Variants in DGKB observed in about 807,000 individuals in gnomAD.
DGKB encodes diacylglycerol kinase beta.
DGKB carries 67 observed loss-of-function variants against 114.3 expected under a neutral mutation model. The ratio of observed to expected loss-of-function variants is 0.59; its 90% confidence interval spans 0.48 to 0.72. DGKB has a LOEUF of 0.72. Ranked by LOEUF, DGKB falls within the 30% of genes least tolerant of loss-of-function variation. The pLI, the probability that DGKB is intolerant of heterozygous loss-of-function variation, is 0.00. For missense variants in DGKB, 907 were observed against 975.2 expected (o/e 0.93, Z 0.93); for synonymous variants, 398 against 323.1 (o/e 1.23, Z -2.49).
rs528156471 is a variant in DGKB, at chr7:14,221,465, G to A, written c.2123-43314C>T. 2.6e-5 allele frequency among the ~76,000 whole-genome samples: 4 copies of A among 151,412 alleles called. No homozygotes were observed. In the South Asian group the frequency reaches 8.3e-4, roughly 31 times the overall value. On this transcript the variant is annotated intron_variant, in intron 23 of 25. Coordinates refer to ENST00000402815, the MANE Select transcript of DGKB (RefSeq NM_001350709.2). ...TTGGTTTTTATTCTATTGCTATAGTGCATTACATTGATTGATTTCCAGGTG... is the reference window on the plus strand; with the variant it reads ...TTGGTTTTTATTCTATTGCTATAGTACATTACATTGATTGATTTCCAGGTG...
chr7:14,296,081 G>T (rs1233875504), intron 23 of DGKB, among the ~76,000 whole-genome samples: 3 of 145,180 alleles, frequency 2.1e-5, no homozygotes, highest in Non-Finnish European at 4.5e-5. Context: ...CACCAGGCTT[G>T]AGTGCAGAGG....
At chr7:14,293,457 T>A (rs1802072102) in intron 23 of DGKB, among the ~76,000 whole-genome samples, 1 of 152,190 alleles carries the variant, frequency 6.6e-6, no homozygotes. Flanking sequence ...TGTGTCTGAT[T>A]TATTCTCCAT....
At chr7:14,434,611 G>C (rs1215792575) in intron 21 of DGKB, among the ~76,000 whole-genome samples, 1 of 152,180 alleles carries the variant, frequency 6.6e-6, no homozygotes, top group African/African-American at 2.4e-5. Flanking sequence ...TTCTTGTTCA[G>C]TGAGACCTGT....
chr7:14,293,229 A>G (rs1291272036), intron 23 of DGKB, among the ~76,000 whole-genome samples: 1 of 152,198 alleles, frequency 6.6e-6, no homozygotes, highest in African/African-American at 2.4e-5. Context: ...ATTCACTCAC[A>G]TAAAAGCAGG....
intron 19 of DGKB, among the ~76,000 whole-genome samples, chr7:14,575,797 C>T (rs1799037893): frequency 6.6e-6 from 1 of 152,026 alleles, no homozygotes; most frequent in South Asian, 2.1e-4. Context: ...AATTGTTGAA[C>T]AAGGAAATGC....
intron 13 of DGKB, among the ~76,000 whole-genome samples, chr7:14,649,776 G>A (rs1204001100): frequency 7.1e-6 from 1 of 141,476 alleles, no homozygotes; most frequent in Non-Finnish European, 1.5e-5. Flanking sequence ...ACACACATAG[G>A]CTCAAAATAA....
At position 14,353,429 on chromosome 7, in the gene DGKB, T is replaced by G. The variant is rs754201533; in HGVS notation, c.1836-8038A>C. Among the ~76,000 whole-genome samples the G allele has an allele frequency of 4.3e-4, 65 of 152,130 alleles. 1 individual carries two copies. Among genetic ancestry groups the G allele is most frequent in the Admixed American group, 2.0e-4 (3 of 15,264 alleles). On this transcript the variant is annotated intron_variant, in intron 21 of 25. Transcript: ENST00000402815. The stretch of plus-strand genomic sequence containing the variant: ...ACAAAGTAAAAGCTTTGCCCCTCTT[T>G]TCCTATTTTTGCATGTTCTCAAGGA...
chr7:14,824,370 G>A (rs1845367537), intron 2 of DGKB, among the ~76,000 whole-genome samples: 1 of 151,980 alleles, frequency 6.6e-6, no homozygotes, highest in Non-Finnish European at 1.5e-5. Context: ...TGTTCTGTCT[G>A]GCTTTAGAAT....
chr7:14,275,686 A>C (rs1798890882), intron 23 of DGKB, among the ~76,000 whole-genome samples: 1 of 152,224 alleles, frequency 6.6e-6, no homozygotes, highest in Admixed American at 6.5e-5. Flanking sequence ...GTCTTTAAAC[A>C]AATCAACTAG....
At position 14,392,989 on chromosome 7, in the gene DGKB, G is replaced by GTTTTTTTTTTTT. The variant is rs776845811; in HGVS notation, c.1836-47599_1836-47598insAAAAAAAAAAAA. Among the ~76,000 whole-genome samples, 39 of 10,172 alleles carry GTTTTTTTTTTTT rather than the reference G, an allele frequency of 3.8e-3. 1 individual carries two copies. Among genetic ancestry groups the GTTTTTTTTTTTT allele is most frequent in the African/African-American group, 8.3e-3 (36 of 4,330 alleles). 6.7% of individuals were successfully genotyped at this position (10,172 alleles called of 152,430 possible). A position where few individuals can be genotyped will look rare whatever the true frequency, so the allele number is the denominator to read the frequency against. On this transcript the variant is annotated intron_variant, in intron 21 of 25. Transcript: ENST00000402815. ...GAGGGCCAAAACAGACCTGTTTTTT[G>GTTTTTTTTTTTT]TTTTTGTTTTTTTTTTTTTGAGACG... is the stretch of plus-strand genomic sequence containing the variant.
At chr7:14,305,375 G>A (rs1320026031) in intron 23 of DGKB, among the ~76,000 whole-genome samples, 4 of 152,104 alleles carry the variant, frequency 2.6e-5, no homozygotes, top group Non-Finnish European at 5.9e-5. Flanking sequence ...GTGGGAACAT[G>A]TGATATACGT....
chr7:14,380,955 T>C (rs920721977), intron 21 of DGKB, among the ~76,000 whole-genome samples: 3 of 152,194 alleles, frequency 2.0e-5, no homozygotes, highest in Non-Finnish European at 4.4e-5. Flanking sequence ...AATAGGAAGA[T>C]TAAATCCAAG....
chr7:14,609,486 A>AT (rs1368693730), intron 16 of DGKB, among the ~76,000 whole-genome samples: 1 of 151,900 alleles, frequency 6.6e-6, no homozygotes, highest in Non-Finnish European at 1.5e-5. Flanking sequence ...TTGGCAACAC[A>AT]TTTTTTATTA....
chr7:14,334,321 G>T (rs569376049), intron 23 of DGKB, among the ~76,000 whole-genome samples: 1 of 147,602 alleles, frequency 6.8e-6, no homozygotes, highest in South Asian at 2.2e-4. Context: ...AGACTTTCCA[G>T]TCAATGCCAC....
chr7:14,951,295 A>G (rs186705345), intron 1 of DGKB, among the ~76,000 whole-genome samples: 18 of 152,150 alleles, frequency 1.2e-4, no homozygotes, highest in Admixed American at 1.1e-3. Context: ...AGCAACCAAG[A>G]TATCCTTTAA....
At chr7:14,159,175 G>C (rs183700280) in intron 25 of DGKB, among the ~76,000 whole-genome samples, 1 of 151,970 alleles carries the variant, frequency 6.6e-6, no homozygotes, top group African/African-American at 2.4e-5. Flanking sequence ...CCACTGGACC[G>C]TATGCCTCAC....
chr7:14,676,878 AC>A (rs1246868608), intron 12 of DGKB, among the ~76,000 whole-genome samples: 2 of 152,106 alleles, frequency 1.3e-5, no homozygotes, highest in Non-Finnish European at 1.5e-5. Flanking sequence ...ATTTAAAAAA[AC>A]ATTTTTGTTC....
intron 23 of DGKB, among the ~76,000 whole-genome samples, chr7:14,317,414 G>T (rs1260796714): frequency 6.8e-6 from 1 of 146,788 alleles, no homozygotes; most frequent in Non-Finnish European, 1.5e-5. Flanking sequence ...ATCTCCTTAA[G>T]CTGATAAGCA....
At chr7:14,390,063 G>A (rs1309437220) in intron 21 of DGKB, among the ~76,000 whole-genome samples, 3 of 152,080 alleles carry the variant, frequency 2.0e-5, no homozygotes, top group Admixed American at 6.6e-5. Context: ...GTAAGGGTGA[G>A]GCAGTAATTT....
Sources: allele counts gnomAD v4.1 joint callset (sites outside exome capture counted in the v4.1 genomes callset), GRCh38; gene constraint gnomAD v4.1.1; transcripts MANE v1.5; gene names NCBI Gene and HGNC (gene_info 2026-07-23, HGNC 2026-07-21).